The following RASEF variants were observed in gnomAD, a reference collection of about 807,000 sequenced individuals.
RASEF encodes the protein RAS and EF-hand domain containing.
A neutral mutation model predicts 90.1 loss-of-function variants in RASEF; 68 were observed. The ratio of observed to expected loss-of-function variants is 0.75; its 90% CI spans 0.62 to 0.92. The LOEUF (loss-of-function observed/expected upper bound fraction) is 0.92. RASEF is among the 40% of genes least tolerant of loss of function. The probability of loss-of-function intolerance (pLI) is 0.00; values close to 1 mark genes in which losing one functional copy is unlikely to be tolerated. For synonymous variants in RASEF, 331 were observed against 345.2 expected, an observed-to-expected ratio of 0.96 and a Z score of 0.46; for missense variants, 949 against 937.2, an observed-to-expected ratio of 1.01 and a Z score of -0.16.
the RASEF span, among the ~76,000 whole-genome samples, chr9:83,128,025 C>CTTTTTTTTTTTTTTTTTTTT: frequency 1.1e-4 from 15 of 134,716 alleles, no homozygotes; most frequent in South Asian, 2.3e-4. Flanking sequence ...TTTTTCTTTT[C>CTTTTTTTTTTTTTTTTTTTT]TTTTTTTTTT....
At chr9:83,035,437 C>T (rs1829722970) in intron 1 of RASEF, among the ~76,000 whole-genome samples, 1 of 152,194 alleles carries the variant, frequency 6.6e-6, no homozygotes, top group South Asian at 2.1e-4. Context: ...AGACCTCACC[C>T]TTCCACACTC....
At chr9:82,983,154 CA>C (rs1351616137) in intron 16 of RASEF, among the ~76,000 whole-genome samples, 17 of 143,226 alleles carry the variant, frequency 1.2e-4, no homozygotes, top group African/African-American at 3.8e-4. Context: ...CACACACACA[CA>C]CCCTTCTCCC....
At chr9:83,147,761 C>T in the RASEF span, among the ~76,000 whole-genome samples, 24 of 152,166 alleles carry the variant, frequency 1.6e-4, no homozygotes, top group South Asian at 4.1e-4. Flanking sequence ...ACTTGAAGGA[C>T]GGTTAATTCA....
the RASEF span, among the ~76,000 whole-genome samples, chr9:83,134,019 G>A: frequency 6.6e-6 from 1 of 152,088 alleles, no homozygotes; most frequent in East Asian, 1.9e-4. Flanking sequence ...TTCTGCACTA[G>A]TCCAAATTAT....
At chr9:83,041,561 C>G (rs573353852) in intron 1 of RASEF, among the ~76,000 whole-genome samples, 2 of 152,190 alleles carry the variant, frequency 1.3e-5, no homozygotes, top group Non-Finnish European at 2.9e-5. Flanking sequence ...TTTGACATTT[C>G]AACAGTGAAG....
the RASEF span, among the ~76,000 whole-genome samples, chr9:83,139,343 A>G: frequency 6.6e-6 from 1 of 152,182 alleles, no homozygotes; most frequent in African/African-American, 2.4e-5. Context: ...GTCCCAGCAT[A>G]GTCACAAATC....
chr9:83,143,732 G>A, the RASEF span, among the ~76,000 whole-genome samples: 8 of 152,310 alleles, frequency 5.3e-5, no homozygotes, highest in Middle Eastern at 3.4e-3. Flanking sequence ...TTAAGCCACT[G>A]TGGAAAGCAG....
At chr9:83,165,983 TCTTATA>T in the RASEF span, among the ~76,000 whole-genome samples, 1 of 152,162 alleles carries the variant, frequency 6.6e-6, no homozygotes, top group Non-Finnish European at 1.5e-5. Context: ...ATCTGAATAG[TCTTATA>T]CTTATTAAAG....
At chr9:82,985,228 C>T (rs1203242819) in intron 16 of RASEF, among the ~76,000 whole-genome samples, 2 of 152,108 alleles carry the variant, frequency 1.3e-5, no homozygotes, top group African/African-American at 2.4e-5. Context: ...TAGAGTTCCA[C>T]GTAGCTGGGG....
At chr9:83,095,935 T>C in the RASEF span, among the ~76,000 whole-genome samples, 4 of 152,200 alleles carry the variant, frequency 2.6e-5, no homozygotes, top group Non-Finnish European at 5.9e-5. Flanking sequence ...CAGGTCCAGA[T>C]ACTTGAGCTG....
At chr9:83,090,050 T>A in the RASEF span, among the ~76,000 whole-genome samples, 3 of 152,216 alleles carry the variant, frequency 2.0e-5, no homozygotes, top group African/African-American at 7.2e-5. Context: ...TTTCTTTGTC[T>A]TCCTCAAACT....
chr9:83,087,414 T>TCTCTCTCC, the RASEF span, among the ~76,000 whole-genome samples: 1 of 147,656 alleles, frequency 6.8e-6, no homozygotes, highest in African/African-American at 2.6e-5. Flanking sequence ...ATTCTCTCTC[T>TCTCTCTCC]CTCTCTCTCT....
At chr9:83,113,132 CAGA>C in the RASEF span, among the ~76,000 whole-genome samples, 5 of 152,104 alleles carry the variant, frequency 3.3e-5, no homozygotes, top group African/African-American at 1.2e-4. Context: ...GGAGCCGAGG[CAGA>C]AGAACATAAA....
At chr9:83,098,430 T>A in the RASEF span, among the ~76,000 whole-genome samples, 7 of 152,186 alleles carry the variant, frequency 4.6e-5, no homozygotes, top group Non-Finnish European at 8.8e-5. Flanking sequence ...TTCTGCTTAG[T>A]TTAACTACTG....
At chr9:83,055,213 A>T (rs1390637108) in intron 1 of RASEF, 1 of 230,516 alleles carries the variant, frequency 4.3e-6, no homozygotes, top group African/African-American at 2.4e-5. Context: ...TGGGCGTAGG[A>T]CCCTCTGAGC....
chr9:83,169,808 T>C, the RASEF span, among the ~76,000 whole-genome samples: 1 of 152,104 alleles, frequency 6.6e-6, no homozygotes, highest in Non-Finnish European at 1.5e-5. Flanking sequence ...CATTTTGCTA[T>C]TGAGTTGTTT....
the RASEF span, among the ~76,000 whole-genome samples, chr9:83,139,149 G>GAGCT: frequency 6.6e-6 from 1 of 152,258 alleles, no homozygotes; most frequent in East Asian, 1.9e-4. Flanking sequence ...TAAGAGTAGG[G>GAGCT]AGCTTGTTAG....
the RASEF span, among the ~76,000 whole-genome samples, chr9:83,130,553 A>AC: frequency 6.6e-6 from 1 of 152,336 alleles, no homozygotes; most frequent in South Asian, 2.1e-4. Context: ...ATTGTTAAAT[A>AC]CCACACTGAC....
At chr9:83,096,585 G>A in the RASEF span, among the ~76,000 whole-genome samples, 18 of 152,030 alleles carry the variant, frequency 1.2e-4, no homozygotes, top group African/African-American at 4.3e-4. Flanking sequence ...TGAGATGGGT[G>A]AGCTGATCCC....
Sources: allele counts gnomAD v4.1 joint callset (sites outside exome capture counted in the v4.1 genomes callset), GRCh38; gene constraint gnomAD v4.1.1; transcripts MANE v1.5; gene names NCBI Gene and HGNC (gene_info 2026-07-23, HGNC 2026-07-21).